The following CRTAC1 variants were observed in gnomAD, a reference collection of about 807,000 sequenced individuals.
CRTAC1 encodes the protein acidic secreted protein in cartilage.
A neutral mutation model predicts 67.8 loss-of-function variants in CRTAC1; 37 were observed. The observed-to-expected ratio is 0.55, with a 90% CI of 0.42 to 0.72. CRTAC1 has a LOEUF of 0.72. CRTAC1 is among the 30% of genes least tolerant of loss of function. The pLI is 0.00. For synonymous variants in CRTAC1, 348 were observed against 371.0 expected, an observed-to-expected ratio of 0.94 and a Z score of 0.71; for missense variants, 780 against 931.6, an observed-to-expected ratio of 0.84 and a Z score of 2.12.
chr10:97,910,602 G>T (rs577840356), intron 5 of CRTAC1, among the ~76,000 whole-genome samples: 24 of 152,314 alleles, frequency 1.6e-4, no homozygotes, highest in African/African-American at 5.5e-4. Flanking sequence ...GTAAAGAAAG[G>T]CCAGGCCCGC....
intron 2 of CRTAC1, among the ~76,000 whole-genome samples, chr10:97,937,233 T>C (rs1044259637): frequency 2.0e-5 from 3 of 152,198 alleles, no homozygotes. Context: ...GACTTTGCAC[T>C]TGCTGTTCTC....
At chr10:97,988,277 T>G (rs1377857239) in intron 2 of CRTAC1, among the ~76,000 whole-genome samples, 2 of 145,644 alleles carry the variant, frequency 1.4e-5, no homozygotes, top group Admixed American at 1.4e-4. Context: ...GAGGGGTGGG[T>G]AGCAAACAGT....
intron 2 of CRTAC1, among the ~76,000 whole-genome samples, chr10:97,995,305 A>T (rs1454172887): frequency 1.3e-5 from 2 of 151,498 alleles, no homozygotes; most frequent in Non-Finnish European, 2.9e-5. Context: ...CATACACACA[A>T]ACACACACAC....
rs531021933 is a variant in CRTAC1, at chr10:98,002,761, C to CTTTTTT, written c.224+8371_224+8376dup. ...TTTTAGGAATTCTTTACAAAACTCA[C>CTTTTTT]TTTTTTTTTTTTTTTTTTTTTTTTT... On this transcript the variant is annotated intron_variant, in intron 2 of 14. Transcript: ENST00000370597. Among the ~76,000 whole-genome samples, 4 of 37,296 alleles carry CTTTTTT rather than the reference C, an allele frequency of 1.1e-4. 1 individual carries two copies. Among genetic ancestry groups the CTTTTTT allele is most frequent in the Non-Finnish European group, 1.7e-4 (3 of 17,200 alleles). 24.5% of individuals were successfully genotyped at this position (37,296 alleles called of 152,430 possible). A position where few individuals can be genotyped will look rare whatever the true frequency, so the allele number is the denominator to read the frequency against.
At chr10:97,928,674 C>A (rs1047336657) in intron 3 of CRTAC1, among the ~76,000 whole-genome samples, 1 of 152,140 alleles carries the variant, frequency 6.6e-6, no homozygotes, top group African/African-American at 2.4e-5. Flanking sequence ...TCGCTGTGAT[C>A]AGGGAGGGCT....
chr10:98,030,391 G>A lies in CRTAC1; in HGVS notation c.24+58C>T. The A allele has an allele frequency of 9.0e-7, 1 of 1,107,274 alleles. No homozygotes were observed. Among genetic ancestry groups the A allele is most frequent in the Non-Finnish European group, 1.2e-6 (1 of 859,740 alleles). 68.6% of individuals were successfully genotyped at this position (1,107,274 alleles called of 1,614,324 possible). ...CTTGCGGGCGGATCCGGGGGGGCGC[G>A]CAGAGCTGGAGAAACTTTCTCCGCC... On this transcript the variant is annotated intron_variant, in intron 1 of 14. Coordinates refer to ENST00000370597, the MANE Select transcript of CRTAC1 (RefSeq NM_018058.7). This position sits in a 1 kb window ranked among gnomAD's most constrained non-coding sequence, Gnocchi z 4.2.
At chr10:97,932,703 G>A (rs2051020379) in intron 3 of CRTAC1, among the ~76,000 whole-genome samples, 1 of 152,116 alleles carries the variant, frequency 6.6e-6, no homozygotes, top group Non-Finnish European at 1.5e-5. Context: ...AAGGATGGAG[G>A]AAAGAAGGTC....
At chr10:97,980,336 C>T (rs1390934638) in intron 2 of CRTAC1, among the ~76,000 whole-genome samples, 1 of 152,192 alleles carries the variant, frequency 6.6e-6, no homozygotes, top group Non-Finnish European at 1.5e-5. Context: ...TGGACCTGCC[C>T]TTGTACATGG....
At position 97,865,411 on chromosome 10, in the gene CRTAC1, C is replaced by A. The variant is rs538377935; in HGVS notation, c.*137G>T. On this transcript the variant is annotated 3_prime_UTR_variant, in exon 15 of 15. Transcript: ENST00000370597. The stretch of plus-strand genomic sequence containing the variant: ...CCTTACGAGTCTCCCTAATTGTTAG[C>A]TAAGTAATGTGCATGGATGGGCTTG... 1.9e-6 allele frequency: 2 copies of A among 1,053,924 alleles called. No individual in the cohort carries two copies. Among genetic ancestry groups the A allele is most frequent in the South Asian group, 3.6e-5 (2 of 55,526 alleles). 65.3% of individuals were successfully genotyped at this position (1,053,924 alleles called of 1,614,324 possible). A position where few individuals can be genotyped will look rare whatever the true frequency, so the allele number is the denominator to read the frequency against.
At chr10:97,877,341 C>T (rs2050159489) in intron 14 of CRTAC1, among the ~76,000 whole-genome samples, 1 of 152,206 alleles carries the variant, frequency 6.6e-6, no homozygotes, top group South Asian at 2.1e-4. Flanking sequence ...CCTTCACTTA[C>T]CATTACATAC....
intron 11 of CRTAC1, among the ~76,000 whole-genome samples, chr10:97,888,063 C>T (rs7902617): frequency 0.13 from 19,181 of 152,224 alleles, 1,546 homozygotes; most frequent in African/African-American, 0.22. Context: ...AGCAGAGGTC[C>T]GAGAGATCCC....
chr10:97,971,560 A>T (rs1471114702), intron 2 of CRTAC1, among the ~76,000 whole-genome samples: 1 of 152,254 alleles, frequency 6.6e-6, no homozygotes, highest in East Asian at 1.9e-4. Flanking sequence ...GGAAAGATGA[A>T]AAGAGATCTG....
At chr10:97,971,697 A>G (rs1022207771) in intron 2 of CRTAC1, among the ~76,000 whole-genome samples, 1 of 152,226 alleles carries the variant, frequency 6.6e-6, no homozygotes, top group Non-Finnish European at 1.5e-5. Context: ...TTGTTTTTTT[A>G]AAGCTACAAG....
At chr10:97,867,549 G>A (rs769372523) in intron 14 of CRTAC1, 2 of 152,328 alleles carry the variant, frequency 1.3e-5, no homozygotes, top group Non-Finnish European at 2.9e-5. Context: ...GTGAGTCCTG[G>A]TCCAAGGATC....
rs531021933 is a variant in CRTAC1 at position 98,002,761 on chromosome 10, CTTTTTTTTTTTTTTT to C, written c.224+8362_224+8376del. Among the ~76,000 whole-genome samples, 366 of 37,264 alleles carry C rather than the reference CTTTTTTTTTTTTTTT, an allele frequency of 9.8e-3. 5 individuals are homozygous for C. Among genetic ancestry groups the C allele is most frequent in the African/African-American group, 0.024 (299 of 12,468 alleles). 24.4% of individuals were successfully genotyped at this position (37,264 alleles called of 152,430 possible). A position where few individuals can be genotyped will look rare whatever the true frequency, so the allele number is the denominator to read the frequency against. On this transcript the variant is annotated intron_variant, in intron 2 of 14. Coordinates refer to ENST00000370597, the MANE Select transcript of CRTAC1 (RefSeq NM_018058.7). ...TTTTAGGAATTCTTTACAAAACTCACTTTTTTTTTTTTTTTTTTTTTTTTTTTTTTTTTTTTTGAG... is the reference window on the plus strand; with the variant it reads ...TTTTAGGAATTCTTTACAAAACTCACTTTTTTTTTTTTTTTTTTTTTTGAG...
chr10:97,947,128 G>A (rs905411192), intron 2 of CRTAC1, among the ~76,000 whole-genome samples: 17 of 152,228 alleles, frequency 1.1e-4, no homozygotes, highest in Admixed American at 2.6e-4. Flanking sequence ...GTTGGGGCAA[G>A]GAGCCAATGA....
chr10:97,912,966 C>T (rs1213177721), intron 5 of CRTAC1, among the ~76,000 whole-genome samples: 1 of 152,204 alleles, frequency 6.6e-6, no homozygotes, highest in Admixed American at 6.5e-5. Flanking sequence ...TGAGGTGAGG[C>T]CCCTCGGCCA....
chr10:97,878,531 T>TC (rs1197695850), intron 14 of CRTAC1: 1 of 1,129,860 alleles, frequency 8.9e-7, no homozygotes, highest in Non-Finnish European at 1.1e-6. Context: ...TGACTTTTTT[T>TC]CCCCATGAAG....
At chr10:97,963,197 C>T (rs909882297) in intron 2 of CRTAC1, among the ~76,000 whole-genome samples, 2 of 152,106 alleles carry the variant, frequency 1.3e-5, no homozygotes, top group Admixed American at 6.5e-5. Context: ...TGCTTAGAAC[C>T]GGCGTCCCAA....
Sources: allele counts gnomAD v4.1 joint callset (sites outside exome capture counted in the v4.1 genomes callset), GRCh38; gene constraint gnomAD v4.1.1; non-coding constraint Gnocchi (gnomAD v3.1); transcripts MANE v1.5; gene names NCBI Gene and HGNC (gene_info 2026-07-23, HGNC 2026-07-21).